SORCS1: variants seen among roughly 807,000 people sequenced by gnomAD.
SORCS1 encodes VPS10 domain-containing receptor SorCS1.
A neutral mutation model predicts 146.1 loss-of-function variants in SORCS1; 60 were observed. The observed-to-expected ratio is 0.41, with a 90% CI of 0.33 to 0.51. The LOEUF (loss-of-function observed/expected upper bound fraction) is 0.51. SORCS1 is among the 20% of genes least tolerant of loss of function. SORCS1 has a pLI of 0.21. For synonymous variants in SORCS1, 637 were observed against 584.0 expected (o/e 1.09, Z -1.31); for missense variants, 1,352 against 1,487.6 (o/e 0.91, Z 1.50).
intron 5 of SORCS1, among the ~76,000 whole-genome samples, chr10:106,739,506 A>AG (rs1857203257): frequency 6.7e-6 from 1 of 148,852 alleles, no homozygotes; most frequent in Non-Finnish European, 1.5e-5. Flanking sequence ...AAAAAAAAAA[A>AG]GGAATTGAAA....
At position 106,796,519 on chromosome 10, in the gene SORCS1, T is replaced by C. The variant is rs187098545; in HGVS notation, c.727-19827A>G. ...GCAAGACTCAATTGCCAATGATACT[T>C]ATAAGATTATATTTACTTCTTTGAG... On this transcript the variant is annotated intron_variant, in intron 3 of 25. Transcript: ENST00000263054. Among the ~76,000 whole-genome samples, 15 of 152,350 alleles carry C rather than the reference T, an allele frequency of 9.8e-5. No homozygotes were observed. The East Asian group carries it at 2.7e-3, about 27-fold the overall frequency.
intron 6 of SORCS1, among the ~76,000 whole-genome samples, chr10:106,712,966 T>C (rs939595025): frequency 6.6e-6 from 1 of 152,190 alleles, no homozygotes; most frequent in Admixed American, 6.5e-5. Context: ...CCACTTGCCA[T>C]TGGTTGTTTT....
chr10:106,740,686 G>C (rs1199351643), intron 5 of SORCS1, among the ~76,000 whole-genome samples: 1 of 152,204 alleles, frequency 6.6e-6, no homozygotes, highest in Non-Finnish European at 1.5e-5. Context: ...TTAAGTGTGA[G>C]ATTGATGTCA....
At position 106,583,504 on chromosome 10, in the gene SORCS1, C is replaced by A. The variant is rs1296010056; in HGVS notation, c.3266-4030G>T. ...GCTTTCCCTGTTGCTGCAGTTTTTT[C>A]GTTTTGTTTTGTTTTGTTTTTAGAT... On this transcript the variant is annotated intron_variant, in intron 24 of 25. Transcript: ENST00000263054. 2.0e-5 allele frequency among the ~76,000 whole-genome samples: 3 copies of A among 151,952 alleles called. No individual in the cohort carries two copies. In the South Asian group the frequency reaches 6.2e-4, roughly 32 times the overall value.
At chr10:106,924,138 C>T (rs1450263300) in intron 2 of SORCS1, among the ~76,000 whole-genome samples, 1 of 151,826 alleles carries the variant, frequency 6.6e-6, no homozygotes, top group African/African-American at 2.4e-5. Context: ...CCTGTAATCC[C>T]AGCTACTTGA....
intron 1 of SORCS1, among the ~76,000 whole-genome samples, chr10:106,972,759 C>T (rs1002588928): frequency 2.0e-5 from 3 of 152,214 alleles, no homozygotes; most frequent in Non-Finnish European, 4.4e-5. Context: ...GAGAAGGGGA[C>T]AATCTCTAGC....
At chr10:107,017,784 T>C (rs1436747485) in intron 1 of SORCS1, among the ~76,000 whole-genome samples, 1 of 152,166 alleles carries the variant, frequency 6.6e-6, no homozygotes, top group Non-Finnish European at 1.5e-5. Context: ...GCCTCCTGAG[T>C]AGCACCCAAG....
intron 2 of SORCS1, among the ~76,000 whole-genome samples, chr10:106,864,015 C>A (rs1469547473): frequency 6.6e-6 from 1 of 152,134 alleles, no homozygotes; most frequent in African/African-American, 2.4e-5. Flanking sequence ...AAAATGTTCA[C>A]CCAAAGCCCA....
intron 2 of SORCS1, among the ~76,000 whole-genome samples, chr10:106,838,946 A>C: frequency 6.6e-6 from 1 of 152,178 alleles, no homozygotes; most frequent in East Asian, 1.9e-4. Context: ...TGCCCATGTA[A>C]GATGGCAAAT....
At chr10:106,861,777 T>C (rs1950024629) in intron 2 of SORCS1, among the ~76,000 whole-genome samples, 2 of 152,016 alleles carry the variant, frequency 1.3e-5, no homozygotes, top group South Asian at 4.1e-4. Flanking sequence ...TAGTCCCAGC[T>C]ACTCGGGAGG....
chr10:106,769,362 G>C (rs1859820391), intron 4 of SORCS1, among the ~76,000 whole-genome samples: 1 of 152,010 alleles, frequency 6.6e-6, no homozygotes, highest in Non-Finnish European at 1.5e-5. Context: ...GCGGGTGCCA[G>C]TAATCCCAGC....
At chr10:107,020,270 G>A (rs1384420265) in intron 1 of SORCS1, among the ~76,000 whole-genome samples, 2 of 152,148 alleles carry the variant, frequency 1.3e-5, no homozygotes, top group East Asian at 1.9e-4. Context: ...CTTTAGAATT[G>A]CATGTAGTAA....
chr10:106,831,841 A>G (rs1948559389), intron 2 of SORCS1, among the ~76,000 whole-genome samples: 1 of 152,216 alleles, frequency 6.6e-6, no homozygotes, highest in Admixed American at 6.5e-5. Flanking sequence ...TGAAAGAACT[A>G]TGAACCTTGA....
At chr10:107,071,245 T>C (rs1007323925) in intron 1 of SORCS1, among the ~76,000 whole-genome samples, 1 of 152,192 alleles carries the variant, frequency 6.6e-6, no homozygotes, top group African/African-American at 2.4e-5. Context: ...TTTTTATTTA[T>C]GTTCACTCTC....
At chr10:107,017,341 G>A (rs113775079) in intron 1 of SORCS1, among the ~76,000 whole-genome samples, 2 of 152,212 alleles carry the variant, frequency 1.3e-5, no homozygotes, top group Admixed American at 6.5e-5. Flanking sequence ...ACCGCTACAC[G>A]AAATAACCAA....
In SORCS1 at chr10:106,813,429, G is replaced by A. The variant is rs1009966986; in HGVS notation, c.726+16145C>T. Among the ~76,000 whole-genome samples, 10 of 151,462 alleles carry A rather than the reference G, an allele frequency of 6.6e-5. No homozygotes were observed. The South Asian group carries it at 1.9e-3, about 29-fold the overall frequency. On this transcript the variant is annotated intron_variant, in intron 3 of 25. Transcript: ENST00000263054. The stretch of plus-strand genomic sequence containing the variant: ...ATTACAGACATGAACCACCGCGCCC[G>A]GCCTGACAGGCGCATTTCTGAAATG...
intron 5 of SORCS1, among the ~76,000 whole-genome samples, chr10:106,750,501 C>T (rs1005316544): frequency 1.3e-5 from 2 of 151,534 alleles, no homozygotes; most frequent in African/African-American, 2.4e-5. Context: ...GAGGCCGAGG[C>T]GGGCGGATTA....
chr10:107,035,384 T>TC (rs1958864362), intron 1 of SORCS1, among the ~76,000 whole-genome samples: 1 of 152,020 alleles, frequency 6.6e-6, no homozygotes, highest in Non-Finnish European at 1.5e-5. Flanking sequence ...GAATGTGACT[T>TC]CCCATTACAT....
chr10:107,125,914 C>T (rs1966688071), intron 1 of SORCS1, among the ~76,000 whole-genome samples: 2 of 152,180 alleles, frequency 1.3e-5, no homozygotes, highest in South Asian at 4.1e-4. Context: ...AGAAGAAATG[C>T]TACCAATGCT....
Sources: gnomAD v4.1 joint callset for allele counts (sites outside exome capture counted in the v4.1 genomes callset) on GRCh38, gnomAD v4.1.1 for gene constraint, MANE v1.5 for transcripts, NCBI Gene and HGNC (gene_info 2026-07-23, HGNC 2026-07-21) for gene names.